STAT4: variants seen among roughly 807,000 people sequenced by gnomAD.
The protein encoded by STAT4 is signal transducer and activator of transcription 4.
Under a neutral mutation model 110.5 loss-of-function variants are expected in STAT4, and 42 were observed. That is an observed-to-expected ratio of 0.38 (90% CI 0.30 to 0.49). STAT4 has a LOEUF of 0.49. STAT4 is among the 20% of genes least tolerant of loss of function. The pLI is 0.95. For missense variants in STAT4, 632 were observed against 887.9 expected (o/e 0.71, Z 3.66); for synonymous variants, 284 against 302.2 (o/e 0.94, Z 0.63).
In STAT4 at chr2:191,099,300, T is replaced by C. The variant is rs1698094734; in HGVS notation, c.274-22975A>G. Among the ~76,000 whole-genome samples the C allele has an allele frequency of 6.6e-6, 1 of 152,124 alleles. No individual in the cohort carries two copies. The highest frequency in any genetic ancestry group is 1.9e-4 in the East Asian group (1 of 5,202). On this transcript the variant is annotated intron_variant, in intron 3 of 23. Coordinates refer to ENST00000392320, the MANE Select transcript of STAT4 (RefSeq NM_003151.4). The surrounding 1 kb of genome is among the most constrained non-coding windows in gnomAD (Gnocchi z 4.1). ...ATTTTACAACCTATTAGGAAAGAAA[T>C]CTCAAAATATCAGAATTTAAAATGC... is the stretch of plus-strand genomic sequence containing the variant.
rs1346229524 is a variant in STAT4, at chr2:191,030,935, C to A, written c.2220+37G>T. ...CACACCACCTTTGCATCGTTGGAAA[C>A]ACCTTTGACCAGCAATGGAAAATAA... On this transcript the variant is annotated intron_variant, in intron 23 of 23. Transcript: ENST00000392320. The surrounding 1 kb of genome is among the most constrained non-coding windows in gnomAD (Gnocchi z 4.4). 9 of 1,588,106 alleles carry A rather than the reference C, an allele frequency of 5.7e-6. No individual in the cohort carries two copies. Among genetic ancestry groups the A allele is most frequent in the African/African-American group, 4.0e-5 (3 of 74,318 alleles).
chr2:191,085,188 C>A (rs1489122137), intron 3 of STAT4, among the ~76,000 whole-genome samples: 1 of 151,762 alleles, frequency 6.6e-6, no homozygotes, highest in African/African-American at 2.4e-5. Context: ...TTTGAATTAT[C>A]ATTTTGGCTA....
At chr2:191,111,852 CCTAT>C (rs1698433566) in intron 3 of STAT4, among the ~76,000 whole-genome samples, 1 of 152,002 alleles carries the variant, frequency 6.6e-6, no homozygotes, top group Non-Finnish European at 1.5e-5. Context: ...AGGGAAAGAC[CCTAT>C]CTGTTAGAAA....
rs916429836 is a variant in STAT4 at position 191,140,492 on chromosome 2, C to T, written c.273+6121G>A. ...TACAGTCAACAAACATGTAAAAATG[C>T]TCAACATCACTAATTGTCAGTAAAA... On this transcript the variant is annotated intron_variant, in intron 3 of 23. Coordinates refer to ENST00000392320, the MANE Select transcript of STAT4 (RefSeq NM_003151.4). The surrounding 1 kb of genome is among the most constrained non-coding windows in gnomAD (Gnocchi z 4.4). Among the ~76,000 whole-genome samples the T allele has an allele frequency of 6.6e-6, 1 of 152,142 alleles. No homozygotes were observed. The highest frequency in any genetic ancestry group is 1.5e-5 in the Non-Finnish European group (1 of 68,026).
chr2:191,030,985 G>T lies in STAT4; in HGVS notation c.2207C>A (p.Thr736Lys). The change falls in exon 23 of 24, where the codon ACA becomes AAA. Residue 736 changes from threonine to lysine, a missense_variant. Physicochemically the swap from Thr to Lys is moderately conservative, Grantham distance 78. Around this residue, in one of 4 missense-constraint regions of STAT4, gnomAD observed 32 missense variants for 67.6 expected, o/e 0.47. Transcript: ENST00000392320. This position sits in a 1 kb window ranked among gnomAD's most constrained non-coding sequence, Gnocchi z 4.4. Reference sequence around the variant, plus strand: ...AAGGGAACATACTGCAGTTTCAATTGTTGTGGGACTCAGGTTTTCTCTCAA... The same window carrying T: ...AAGGGAACATACTGCAGTTTCAATTTTTGTGGGACTCAGGTTTTCTCTCAA... Reference protein sequence around the residue: ...AVLRENLSPTTIETAMKSPYS... With the variant: ...AVLRENLSPTKIETAMKSPYS... 1.2e-6 allele frequency: 2 copies of T among 1,613,816 alleles called. No homozygotes were observed. Among genetic ancestry groups the T allele is most frequent in the Non-Finnish European group, 1.7e-6 (2 of 1,179,706 alleles).
chr2:191,125,260 C>T (rs1219891514), intron 3 of STAT4, among the ~76,000 whole-genome samples: 2 of 151,968 alleles, frequency 1.3e-5, no homozygotes, highest in Non-Finnish European at 2.9e-5. Flanking sequence ...AGAAATCAGG[C>T]AGGTTCTTGA....
intron 4 of STAT4, among the ~76,000 whole-genome samples, chr2:191,075,757 G>T (rs1203159016): frequency 6.6e-6 from 1 of 151,810 alleles, no homozygotes; most frequent in African/African-American, 2.4e-5. Context: ...GATTGCAAGT[G>T]ACTGGAAGGA....
chr2:191,137,216 G>A (rs764472849), intron 3 of STAT4, among the ~76,000 whole-genome samples: 7 of 152,134 alleles, frequency 4.6e-5, no homozygotes, highest in African/African-American at 1.4e-4. Flanking sequence ...GGTGGCACAC[G>A]CCTGTAGTCC....
Position 191,061,142 on chromosome 2 carries a change from A to G in STAT4, c.1034+587T>C, listed in dbSNP as rs1696837116. 6.6e-6 allele frequency among the ~76,000 whole-genome samples: 1 copy of G among 152,232 alleles called. No individual in the cohort carries two copies. The highest frequency in any genetic ancestry group is 6.5e-5 in the Admixed American group (1 of 15,278). ...GATCAAATTCACAGAGAAAGCAACA[A>G]TAACACAAAAGTTATGTCTTTAAAT... On this transcript the variant is annotated intron_variant, in intron 10 of 23. Coordinates refer to ENST00000392320, the MANE Select transcript of STAT4 (RefSeq NM_003151.4). This position sits in a 1 kb window ranked among gnomAD's most constrained non-coding sequence, Gnocchi z 6.2.
chr2:191,129,927 TTGACATTTTCG>T (rs1698986265), intron 3 of STAT4, among the ~76,000 whole-genome samples: 1 of 152,222 alleles, frequency 6.6e-6, no homozygotes, highest in Non-Finnish European at 1.5e-5. Flanking sequence ...TTTGGATTTT[TTGACATTTTCG>T]TGCTTTTAAT....
rs1394307699 is a variant in STAT4, at chr2:191,144,147, T to C, written c.273+2466A>G. On this transcript the variant is annotated intron_variant, in intron 3 of 23. Transcript: ENST00000392320. This position sits in a 1 kb window ranked among gnomAD's most constrained non-coding sequence, Gnocchi z 4.7. The stretch of plus-strand genomic sequence containing the variant: ...GAGTACTGAGGGTGAGGGAGGGGGG[T>C]CAGAAAAGGAGATCAGCCTTTTACC... Among the ~76,000 whole-genome samples the C allele has an allele frequency of 6.6e-6, 1 of 150,520 alleles. No homozygotes were observed. The highest frequency in any genetic ancestry group is 1.5e-5 in the Non-Finnish European group (1 of 67,612).
intron 13 of STAT4, among the ~76,000 whole-genome samples, chr2:191,056,775 C>T (rs1318149347): frequency 2.2e-5 from 3 of 134,406 alleles, no homozygotes; most frequent in East Asian, 2.4e-4. Context: ...TTCCCTTCTA[C>T]ACTATTTTTT....
At chr2:191,038,815 A>G (rs1384067147) in intron 16 of STAT4, among the ~76,000 whole-genome samples, 2 of 152,194 alleles carry the variant, frequency 1.3e-5, no homozygotes, top group Admixed American at 1.3e-4. Context: ...TTGGAAACCA[A>G]TTCTCTACCT....
In STAT4 at chr2:191,033,933, T is replaced by G; in HGVS notation, c.1693A>C (p.Ile565Leu). 1.2e-6 allele frequency: 2 copies of G among 1,611,236 alleles called. No individual in the cohort carries two copies. The highest frequency in any genetic ancestry group is 1.7e-6 in the Non-Finnish European group (2 of 1,178,976). ...EAILDLIKKH[I>L]LPLWIDGYVM... Reference sequence around the variant, plus strand: ...TACCCATCAATCCAAAGGGGAAGAATGTGTTTCTTAATTAGATCCAATATT... The same window carrying G: ...TACCCATCAATCCAAAGGGGAAGAAGGTGTTTCTTAATTAGATCCAATATT... The change falls in exon 19 of 24, where the codon ATT becomes CTT. Residue 565 changes from isoleucine (I) to leucine (L), a missense_variant. By Grantham distance (5) the Ile-to-Leu change is conservative. Transcript: ENST00000392320. The surrounding 1 kb of genome is among the most constrained non-coding windows in gnomAD (Gnocchi z 6.9).
rs1439632019 is a variant in STAT4 at position 191,062,305 on chromosome 2, C to G, written c.941+457G>C. On this transcript the variant is annotated intron_variant, in intron 9 of 23. Coordinates refer to ENST00000392320, the MANE Select transcript of STAT4 (RefSeq NM_003151.4). The surrounding 1 kb of genome is among the most constrained non-coding windows in gnomAD (Gnocchi z 4.9). Reference sequence around the variant, plus strand: ...CTCCTGAGCTCAAGCAACCCCTTGCCTCAGCCTCCCAAGGTGCTGAGATTA... The same window carrying G: ...CTCCTGAGCTCAAGCAACCCCTTGCGTCAGCCTCCCAAGGTGCTGAGATTA... 6.6e-6 allele frequency among the ~76,000 whole-genome samples: 1 copy of G among 152,152 alleles called. No individual in the cohort carries two copies. Among genetic ancestry groups the G allele is most frequent in the Admixed American group, 6.5e-5 (1 of 15,278 alleles).
chr2:191,099,785 A>G lies in STAT4; in HGVS notation c.274-23460T>C, dbSNP rs1275529575. 6.6e-6 allele frequency among the ~76,000 whole-genome samples: 1 copy of G among 151,754 alleles called. No homozygotes were observed. Among genetic ancestry groups the G allele is most frequent in the Non-Finnish European group, 1.5e-5 (1 of 67,888 alleles). On this transcript the variant is annotated intron_variant, in intron 3 of 23. Coordinates refer to ENST00000392320, the MANE Select transcript of STAT4 (RefSeq NM_003151.4). The surrounding 1 kb of genome is among the most constrained non-coding windows in gnomAD (Gnocchi z 4.1). ...TAGTGGTGTGGATGGAGGTAAGGAA[A>G]AAAGAAGTGGGATAAAAAGAAGTTT...
rs1695897380 is a variant in STAT4 at position 191,031,615 on chromosome 2, G to T, written c.2045-99C>A. ...TAGAAAAATATTAACAATGATAAGA[G>T]GAAGAGAGATAACGCAGTTGTTCGG... On this transcript the variant is annotated intron_variant, in intron 21 of 23. Transcript: ENST00000392320. The surrounding 1 kb of genome is among the most constrained non-coding windows in gnomAD (Gnocchi z 4.8). The T allele has an allele frequency of 2.9e-5, 28 of 958,504 alleles. No homozygotes were observed. The highest frequency in any genetic ancestry group is 4.6e-5 in the South Asian group (3 of 65,768). 59.4% of individuals were successfully genotyped at this position (958,504 alleles called of 1,614,324 possible). A position where few individuals can be genotyped will look rare whatever the true frequency, so the allele number is the denominator to read the frequency against.
chr2:191,121,121 A>G (rs1698714615), intron 3 of STAT4, among the ~76,000 whole-genome samples: 1 of 152,252 alleles, frequency 6.6e-6, no homozygotes. Flanking sequence ...GGATATGAAC[A>G]GACACTTCTC....
intron 14 of STAT4, among the ~76,000 whole-genome samples, chr2:191,045,035 G>A (rs1257620742): frequency 6.6e-6 from 1 of 152,168 alleles, no homozygotes; most frequent in East Asian, 1.9e-4. Context: ...GTTATATAAT[G>A]ATATTGTGAA....
Sources: gnomAD v4.1 joint callset for allele counts (sites outside exome capture counted in the v4.1 genomes callset) on GRCh38, gnomAD v4.1.1 for gene constraint, gnomAD v4.1.1 regional missense constraint, Gnocchi (gnomAD v3.1) non-coding constraint, MANE v1.5 for transcripts, NCBI Gene and HGNC (gene_info 2026-07-23, HGNC 2026-07-21) for gene names.